SNED1: variants seen among roughly 807,000 people sequenced by gnomAD.
The protein encoded by SNED1 is sushi, nidogen and EGF like domains 1, also known as sushi, nidogen and EGF-like domain-containing protein 1.
Under a neutral mutation model 166.7 loss-of-function variants are expected in SNED1, and 81 were observed. The observed-to-expected ratio is 0.49, with a 90% CI of 0.41 to 0.58. SNED1 has a LOEUF of 0.58. SNED1 is among the 20% of genes least tolerant of loss of function. The probability of loss-of-function intolerance (pLI) is 0.00; values close to 1 mark genes in which losing one functional copy is unlikely to be tolerated. For synonymous variants in SNED1, 762 were observed against 822.0 expected, an observed-to-expected ratio of 0.93 and a Z score of 1.25; for missense variants, 1,604 against 2,000.2, an observed-to-expected ratio of 0.80 and a Z score of 3.78.
chr2:241,030,185 C>T, intron 1 of SNED1, 99 bp from the exon 2 acceptor site: 1 of 1,221,032 alleles, frequency 8.2e-7, no homozygotes, highest in Non-Finnish European at 1.1e-6. Context: ...CTGGCTTCCC[C>T]TCAGAGGGTG....
intron 21 of SNED1, 139 bp downstream of exon 21, chr2:241,065,734 G>A (rs2062418269): frequency 1.3e-6 from 1 of 765,556 alleles, no homozygotes; most frequent in Non-Finnish European, 2.1e-6. Flanking sequence ...CTGAGCTGGG[G>A]GTTGGAGGCA....
rs371600149 is a variant in SNED1 at position 241,088,416 on chromosome 2, G to T, written c.*1+14G>T. 2 of 1,607,162 alleles carry T rather than the reference G, an allele frequency of 1.2e-6. No homozygotes were observed. Among genetic ancestry groups the T allele is most frequent in the Non-Finnish European group, 1.7e-6 (2 of 1,173,914 alleles). ...AGAAATCTTAAGGTACGTCCCTGCT[G>T]CTCCCGCCCCACTACCACAGAGCTG... is the stretch of plus-strand genomic sequence containing the variant. On this transcript the variant is annotated intron_variant, in intron 31 of 31. Coordinates refer to ENST00000310397, the MANE Select transcript of SNED1 (RefSeq NM_001080437.3).
rs185968686 is a variant in SNED1, at chr2:241,073,168, G to A, written c.3818-98G>A. ...AGCCTGGTCCCCACCAGGGACATCCGTGCTCCCTGAGATATAGAAGCACTC... is the reference window on the plus strand; with the variant it reads ...AGCCTGGTCCCCACCAGGGACATCCATGCTCCCTGAGATATAGAAGCACTC... On this transcript the variant is annotated intron_variant, in intron 26 of 31. Transcript: ENST00000310397. This position sits in a 1 kb window ranked among gnomAD's most constrained non-coding sequence, Gnocchi z 6.6. 2.7e-3 allele frequency: 2,303 copies of A among 854,380 alleles called. 7 individuals are homozygous for A. The highest frequency in any genetic ancestry group is 3.5e-3 in the Non-Finnish European group (1,927 of 542,830). The allele number at this position is 854,380 out of a possible 1,614,324, so 52.9% of individuals were successfully genotyped here.
intron 16 of SNED1, among the ~76,000 whole-genome samples, chr2:241,056,725 C>T (rs746295697): frequency 2.2e-4 from 34 of 151,940 alleles, no homozygotes; most frequent in Non-Finnish European, 8.8e-5. Flanking sequence ...GGACTACAGG[C>T]GCCCATCACC....
At chr2:241,034,025 G>T (rs1164533968) in intron 3 of SNED1, 150 bp downstream of exon 3, 3 of 1,039,056 alleles carry the variant, frequency 2.9e-6, no homozygotes, top group East Asian at 2.8e-5. Context: ...AACCATCCCT[G>T]AGGCCTCTCA....
At chr2:241,041,022 T>G in intron 8 of SNED1, 1 of 368,236 alleles carries the variant, frequency 2.7e-6, no homozygotes, top group Non-Finnish European at 5.5e-6. Context: ...CACCAGGTGC[T>G]GCTTCTCTCC....
chr2:241,084,263 A>G (rs1466445787), intron 29 of SNED1, among the ~76,000 whole-genome samples: 2 of 150,814 alleles, frequency 1.3e-5, no homozygotes, highest in Non-Finnish European at 2.9e-5. Context: ...CAGCCCCCCG[A>G]GTAGCTGGGA....
Position 241,095,152 on chromosome 2 carries a change from TCTC to T in SNED1, c.*3520_*3522del, listed in dbSNP as rs929147377. 1 of 148,914 alleles carries T rather than the reference TCTC, an allele frequency of 6.7e-6. No individual in the cohort carries two copies. Among genetic ancestry groups the T allele is most frequent in the Non-Finnish European group, 1.5e-5 (1 of 67,072 alleles). The allele number at this position is 148,914 out of a possible 1,614,324, so 9.2% of individuals were successfully genotyped here. A position where few individuals can be genotyped will look rare whatever the true frequency, so the allele number is the denominator to read the frequency against. On this transcript the variant is annotated 3_prime_UTR_variant, in exon 32 of 32. Coordinates refer to ENST00000310397, the MANE Select transcript of SNED1 (RefSeq NM_001080437.3). Reference sequence around the variant, plus strand: ...CACCTGCTCCATGACCCTATGCTCTTCTCCTCTGGTTCTCGAAGCTGTCTGTAA... The same window carrying T: ...CACCTGCTCCATGACCCTATGCTCTTCTCTGGTTCTCGAAGCTGTCTGTAA...
At position 241,063,712 on chromosome 2, in the gene SNED1, C is replaced by T. The variant is rs74000340; in HGVS notation, c.2485+12C>T. The T allele has an allele frequency of 6.7e-3, 10,225 of 1,531,208 alleles. 574 individuals carry two copies. In the African/African-American group the frequency reaches 0.12, roughly 18 times the overall value. 94.9% of individuals were successfully genotyped at this position (1,531,208 alleles called of 1,614,324 possible). ...CCACTGTGAGACAGGTAGGGGCTCC[C>T]TCCAGTGGGCCCCACATGCAGAGCC... On this transcript the variant is annotated intron_variant, in intron 18 of 31. Transcript: ENST00000310397.
intron 31 of SNED1, chr2:241,090,005 G>C: frequency 6.5e-7 from 1 of 1,549,332 alleles, no homozygotes; most frequent in Non-Finnish European, 8.7e-7. Context: ...AGCGTAGCTG[G>C]AATGCGCAGG....
chr2:241,051,661 T>A lies in SNED1; in HGVS notation c.1736-83T>A. ...GAAGGCCCCACCAGCACCAGAGGAC[T>A]GAGGAGATGCCAGGAGGGTATAGTG... On this transcript the variant is annotated intron_variant, in intron 12 of 31. Transcript: ENST00000310397. This position sits in a 1 kb window ranked among gnomAD's most constrained non-coding sequence, Gnocchi z 4.7. The A allele has an allele frequency of 8.8e-7, 1 of 1,133,086 alleles. No homozygotes were observed. Among genetic ancestry groups the A allele is most frequent in the Non-Finnish European group, 1.2e-6 (1 of 824,662 alleles). 70.2% of individuals were successfully genotyped at this position (1,133,086 alleles called of 1,614,324 possible).
At position 241,048,334 on chromosome 2, in the gene SNED1, C is replaced by A. The variant is rs917047011; in HGVS notation, c.1293C>A (p.Asp431Glu). ...RCETGDHPVPDACLSAPCHNG... is the reference protein window; with the variant it reads ...RCETGDHPVPEACLSAPCHNG... ...TTGCAGGAGACCATCCAGTGCCAGACGCCTGCCTCTCGGCCCCTTGCCACA... is the reference window on the plus strand; with the variant it reads ...TTGCAGGAGACCATCCAGTGCCAGAAGCCTGCCTCTCGGCCCCTTGCCACA... The change falls in exon 9 of 32, where the codon GAC becomes GAA. Residue 431 changes from aspartate to glutamate, a missense_variant. Asp to Glu is a conservative substitution (Grantham distance 45). Coordinates refer to ENST00000310397, the MANE Select transcript of SNED1 (RefSeq NM_001080437.3). 1.2e-6 allele frequency: 2 copies of A among 1,608,170 alleles called. No individual in the cohort carries two copies. Among genetic ancestry groups the A allele is most frequent in the East Asian group, 2.2e-5 (1 of 44,818 alleles).
At position 241,067,015 on chromosome 2, in the gene SNED1, G is replaced by A. The variant is rs376455728; in HGVS notation, c.3011-749G>A. The stretch of plus-strand genomic sequence containing the variant: ...GCAGGTGTCAGCAGGAGCTGCCAGG[G>A]GCTGAGTAGGGGTGGCTCGCCTGGG... On this transcript the variant is annotated intron_variant, in intron 21 of 31. Transcript: ENST00000310397. Among the ~76,000 whole-genome samples the A allele has an allele frequency of 1.3e-3, 205 of 152,350 alleles. 2 individuals carry two copies. The highest frequency in any genetic ancestry group is 4.8e-3 in the African/African-American group (201 of 41,586).
chr2:241,009,759 C>T (rs2060330017), intron 1 of SNED1, among the ~76,000 whole-genome samples: 1 of 152,292 alleles, frequency 6.6e-6, no homozygotes, highest in East Asian at 1.9e-4. Context: ...GCTCTCTTCC[C>T]TCCCACTGGA....
rs530301508 is a variant in SNED1, at chr2:241,033,517, G to A, written c.502-218G>A. On this transcript the variant is annotated intron_variant, in intron 2 of 31. Transcript: ENST00000310397. ...TTCACTCACCCCAGCAATAGTTGTG[G>A]GTTGCAGACGGCCTCTGCTGAGTGG... The A allele has an allele frequency of 1.1e-4, 61 of 539,510 alleles. No homozygotes were observed. The African/African-American group carries it at 1.2e-3, about 10-fold the overall frequency. 33.4% of individuals were successfully genotyped at this position (539,510 alleles called of 1,614,324 possible). A position where few individuals can be genotyped will look rare whatever the true frequency, so the allele number is the denominator to read the frequency against.
chr2:241,015,953 C>T (rs62186628), intron 1 of SNED1: 21,624 of 151,308 alleles, frequency 0.14, 1,570 homozygotes, highest in East Asian at 0.18. Context: ...CACAAATGGA[C>T]GTTGACTTTT....
chr2:241,065,650 C>T, intron 21 of SNED1, 55 bp downstream of exon 21: 7 of 1,480,900 alleles, frequency 4.7e-6, no homozygotes, highest in African/African-American at 2.8e-5. Flanking sequence ...TCGAGGGCAG[C>T]GCTGGCCCCG....
At position 241,065,402 on chromosome 2, in the gene SNED1, T is replaced by TGGCTAC. The variant is rs913404861; in HGVS notation, c.2819_2824dup (p.Gly940_Tyr941dup). Reference sequence around the variant, plus strand: ...GTCCAGCCGCCAGGCAGATGCTTGATGGCTACGCGGTCACCTACGTCTCCT... The same window carrying TGGCTAC: ...GTCCAGCCGCCAGGCAGATGCTTGATGGCTACGGCTACGCGGTCACCTACGTCTCCT... On this transcript the variant is annotated inframe_insertion, in exon 21 of 32. Transcript: ENST00000310397. 1.2e-6 allele frequency: 2 copies of TGGCTAC among 1,613,046 alleles called. No individual in the cohort carries two copies. The highest frequency in any genetic ancestry group is 1.3e-5 in the African/African-American group (1 of 74,926).
intron 12 of SNED1, among the ~76,000 whole-genome samples, chr2:241,050,853 A>C (rs1407387931): frequency 3.9e-5 from 6 of 152,070 alleles, no homozygotes; most frequent in South Asian, 2.1e-4. Flanking sequence ...CAGAGCCCAC[A>C]TCTCCTCACT....
Sources: gnomAD v4.1 joint callset for allele counts (sites outside exome capture counted in the v4.1 genomes callset) on GRCh38, gnomAD v4.1.1 for gene constraint, Gnocchi (gnomAD v3.1) non-coding constraint, MANE v1.5 for transcripts, NCBI Gene and HGNC (gene_info 2026-07-23, HGNC 2026-07-21) for gene names.